Variants in TNN observed in about 807,000 individuals in gnomAD.
TNN encodes the protein tenascin-N.
TNN carries 122 observed loss-of-function variants against 134.4 expected under a neutral mutation model. The observed-to-expected ratio is 0.91, with a 90% confidence interval of 0.78 to 1.06. The LOEUF (loss-of-function observed/expected upper bound fraction) is 1.06. TNN is among the 50% of genes least tolerant of loss of function. The probability of loss-of-function intolerance (pLI) is 0.00; values close to 1 mark genes in which losing one functional copy is unlikely to be tolerated. For missense variants in TNN, 1,739 were observed against 1,699.4 expected, an observed-to-expected ratio of 1.02 and a Z score of -0.41; for synonymous variants, 710 against 670.3, an observed-to-expected ratio of 1.06 and a Z score of -0.91.
At chr1:175,132,993 T>C (rs536325581) in intron 15 of TNN, among the ~76,000 whole-genome samples, 62 of 152,274 alleles carry the variant, frequency 4.1e-4, no homozygotes, top group African/African-American at 1.4e-3. Flanking sequence ...TGAAGTCTAG[T>C]GGAAAGGAGG....
At chr1:175,099,202 G>C (rs547939696) in intron 9 of TNN, among the ~76,000 whole-genome samples, 12 of 152,324 alleles carry the variant, frequency 7.9e-5, no homozygotes, top group Middle Eastern at 3.4e-3. Context: ...CCAGGCAGGG[G>C]ACATGCACAA....
In TNN at chr1:175,117,135, G is replaced by C; in HGVS notation, c.2316G>C (p.Glu772Asp). 6.2e-7 allele frequency: 1 copy of C among 1,614,264 alleles called. No homozygotes were observed. Among genetic ancestry groups the C allele is most frequent in the Non-Finnish European group, 8.5e-7 (1 of 1,180,048 alleles). Residue 772 changes from glutamate (E) to aspartate (D), a missense_variant, in exon 10 of 19, where the codon GAG (glutamate) becomes GAC (aspartate). Transcript: ENST00000239462. ...TVLTGLRPGV[E>D]YTVHVWAQKG... The stretch of plus-strand genomic sequence containing the variant: ...TGACGGGCCTGAGGCCGGGTGTGGA[G>C]TACACGGTGCACGTGTGGGCCCAGA...
At chr1:175,122,218 C>CA (rs10636029) in intron 11 of TNN, among the ~76,000 whole-genome samples, 1,653 of 144,564 alleles carry the variant, frequency 0.011, 18 homozygotes, top group African/African-American at 0.035. Context: ...CCTGTCTTTA[C>CA]AAAAAAAAAA....
At position 175,103,893 on chromosome 1, in the gene TNN, G is replaced by A. The variant is rs1467740349; in HGVS notation, c.2119+5298G>A. On this transcript the variant is annotated intron_variant, in intron 9 of 18. Coordinates refer to ENST00000239462, the MANE Select transcript of TNN (RefSeq NM_022093.2). ...GATTCCTACCTCTTTGTGTTTTTTT[G>A]CATTACGTGACTGTGCGGGCATTTT... Among the ~76,000 whole-genome samples, 2 of 144,210 alleles carry A rather than the reference G, an allele frequency of 1.4e-5. 1 individual carries two copies. The highest frequency in any genetic ancestry group is 3.1e-5 in the Non-Finnish European group (2 of 65,332). The allele number at this position is 144,210 out of a possible 152,430, so 94.6% of individuals were successfully genotyped here.
chr1:175,117,167 C>T lies in TNN; in HGVS notation c.2348C>T (p.Ala783Val), dbSNP rs775708244. 1 of 1,614,200 alleles carries T rather than the reference C, an allele frequency of 6.2e-7. No homozygotes were observed. The highest frequency in any genetic ancestry group is 2.2e-5 in the East Asian group (1 of 44,890). The change falls in exon 10 of 19, where the codon GCC (alanine) becomes GTC (valine). Residue 783 changes from alanine to valine, a missense_variant. Transcript: ENST00000239462. ...GTGCACGTGTGGGCCCAGAAGGGGG[C>T]CCAGGAGAGCAAGAAGGCTGACACC... is the stretch of plus-strand genomic sequence containing the variant. ...YTVHVWAQKGAQESKKADTKA... is the reference protein window; with the variant it reads ...YTVHVWAQKGVQESKKADTKA...
At chr1:175,136,091 G>T (rs1675803221) in intron 16 of TNN, 150 bp downstream of exon 16, 2 of 616,304 alleles carry the variant, frequency 3.2e-6, no homozygotes, top group South Asian at 1.9e-5. Flanking sequence ...GTGTTGGTGG[G>T]CATGTTGATG....
rs755581030 is a variant in TNN at position 175,079,481 on chromosome 1, C to T, written c.558C>T (p.Cys186=). The change falls in exon 3 of 19, where the codon TGC becomes TGT. Residue 186 remains cysteine, a synonymous_variant. Coordinates refer to ENST00000239462, the MANE Select transcript of TNN (RefSeq NM_022093.2). ...ACGGGCGTTGCGTGGACGGGCGCTG[C>T]CTGTGCCATGAGCCCTACGTGGGTG... ...SGHGRCVDGR[C]LCHEPYVGAD... 1.3e-6 allele frequency: 2 copies of T among 1,563,296 alleles called. No individual in the cohort carries two copies. Among genetic ancestry groups the T allele is most frequent in the South Asian group, 1.2e-5 (1 of 86,194 alleles).
intron 9 of TNN, among the ~76,000 whole-genome samples, chr1:175,101,057 T>C (rs532147479): frequency 4.6e-5 from 7 of 152,356 alleles, no homozygotes; most frequent in African/African-American, 1.4e-4. Flanking sequence ...CAATAAATCA[T>C]TGTTAACTGT....
intron 12 of TNN, among the ~76,000 whole-genome samples, chr1:175,125,751 T>G (rs867483810): frequency 9.7e-6 from 1 of 102,794 alleles, no homozygotes; most frequent in African/African-American, 3.9e-5. Flanking sequence ...CTTTCTTTCT[T>G]TCTTTCTCTC....
At chr1:175,093,898 G>C (rs1674506821) in intron 6 of TNN, 92 bp from the exon 7 acceptor site, 1 of 1,383,020 alleles carries the variant, frequency 7.2e-7, no homozygotes, top group African/African-American at 1.4e-5. Context: ...TATTGAACTA[G>C]GTCACCCAGG....
At chr1:175,134,934 C>T (rs1018282444) in intron 15 of TNN, among the ~76,000 whole-genome samples, 3 of 152,174 alleles carry the variant, frequency 2.0e-5, no homozygotes, top group Admixed American at 1.3e-4. Flanking sequence ...GCAATAATTT[C>T]CAGCGCTCTT....
At chr1:175,137,226 A>G (rs1209035014) in intron 17 of TNN, among the ~76,000 whole-genome samples, 1 of 152,126 alleles carries the variant, frequency 6.6e-6, no homozygotes, top group Non-Finnish European at 1.5e-5. Context: ...CCACCCCAAT[A>G]AAAACCCTCC....
chr1:175,106,415 T>G (rs959065187), intron 9 of TNN, among the ~76,000 whole-genome samples: 1 of 145,710 alleles, frequency 6.9e-6, no homozygotes, highest in Non-Finnish European at 1.5e-5. Flanking sequence ...ATCCTAAAAT[T>G]CCAGGTAGTC....
At chr1:175,123,348 C>G (rs1262397341) in intron 11 of TNN, 52 bp from the exon 12 acceptor site, 2 of 1,588,108 alleles carry the variant, frequency 1.3e-6, no homozygotes, top group Non-Finnish European at 1.7e-6. Flanking sequence ...TGGTAAGATG[C>G]GATGTCTTCC....
chr1:175,137,422 A>G (rs1490890665), intron 17 of TNN, among the ~76,000 whole-genome samples: 1 of 143,202 alleles, frequency 7.0e-6, no homozygotes, highest in East Asian at 2.0e-4. Context: ...GCACTTTGCT[A>G]TAAAAACAGA....
chr1:175,131,917 T>TACACACACACACACACACAC (rs3028571), intron 15 of TNN, among the ~76,000 whole-genome samples: 10 of 136,422 alleles, frequency 7.3e-5, no homozygotes, highest in Middle Eastern at 3.6e-3. Flanking sequence ...GAAGTATTAT[T>TACACACACACACACACACAC]ACACACACAC....
At chr1:175,080,538 C>A in intron 4 of TNN, 112 bp downstream of exon 4, 10 of 1,281,808 alleles carry the variant, frequency 7.8e-6, no homozygotes, top group Non-Finnish European at 1.1e-5. Context: ...GAAAAACACA[C>A]CTGCCACAAT....
rs921478858 is a variant in TNN, at chr1:175,077,965, C to T, written c.409+138C>T. 27 of 869,180 alleles carry T rather than the reference C, an allele frequency of 3.1e-5. No homozygotes were observed. The Middle Eastern group carries it at 1.1e-3, about 34-fold the overall frequency. 53.8% of individuals were successfully genotyped at this position (869,180 alleles called of 1,614,324 possible). A position where few individuals can be genotyped will look rare whatever the true frequency, so the allele number is the denominator to read the frequency against. The stretch of plus-strand genomic sequence containing the variant: ...CATTCTGGGTTTTCTCTAGGGGGCC[C>T]ATCCCTGCTATTTATTCATTTATTC... On this transcript the variant is annotated intron_variant, in intron 2 of 18. Transcript: ENST00000239462.
At chr1:175,098,163 T>A (rs1674618213) in intron 8 of TNN, among the ~76,000 whole-genome samples, 169 bp from the exon 9 acceptor site, 1 of 152,134 alleles carries the variant, frequency 6.6e-6, no homozygotes, top group African/African-American at 2.4e-5. Context: ...TCCTTTGAAG[T>A]TCAGAACCAA....
Sources: gnomAD v4.1 joint callset for allele counts (sites outside exome capture counted in the v4.1 genomes callset) on GRCh38, gnomAD v4.1.1 for gene constraint, MANE v1.5 for transcripts, NCBI Gene and HGNC (gene_info 2026-07-23, HGNC 2026-07-21) for gene names.